NARS2: variants seen among roughly 807,000 people sequenced by gnomAD.
NARS2 encodes asparaginyl-tRNA synthetase 2, mitochondrial.
Under a neutral mutation model 62.9 loss-of-function variants are expected in NARS2, and 60 were observed. The observed-to-expected ratio is 0.95, with a 90% confidence interval of 0.77 to 1.18. NARS2 has a LOEUF of 1.18. Ranked by LOEUF, NARS2 falls within the 50% of genes most tolerant of loss-of-function variation. The pLI, the probability that NARS2 is intolerant of heterozygous loss-of-function variation, is 0.00. For missense variants in NARS2, 619 were observed against 576.4 expected (o/e 1.07, Z -0.76); for synonymous variants, 196 against 200.0 (o/e 0.98, Z 0.17).
chr11:78,565,933 C>T (rs922430417), intron 4 of NARS2, among the ~76,000 whole-genome samples, 199 bp downstream of exon 4: 3 of 152,154 alleles, frequency 2.0e-5, no homozygotes, highest in African/African-American at 7.2e-5. Context: ...CCACAACACC[C>T]AACAAGGTAA....
At chr11:78,524,998 G>C (rs1861246923) in intron 6 of NARS2, among the ~76,000 whole-genome samples, 1 of 152,064 alleles carries the variant, frequency 6.6e-6, no homozygotes, top group Non-Finnish European at 1.5e-5. Flanking sequence ...AAAAGTCCTG[G>C]AGGAACTTTA....
chr11:78,531,437 A>G (rs112983407), intron 5 of NARS2, among the ~76,000 whole-genome samples: 3,568 of 152,176 alleles, frequency 0.023, 139 homozygotes, highest in African/African-American at 0.082. Flanking sequence ...GTTACTAGGG[A>G]AAAAAGTTTG....
chr11:78,516,892 C>G (rs1860932326), intron 6 of NARS2, among the ~76,000 whole-genome samples: 1 of 151,816 alleles, frequency 6.6e-6, no homozygotes, highest in East Asian at 1.9e-4. Context: ...AGAAATAAAC[C>G]AACGATTCCA....
chr11:78,459,904 C>T (rs949735883), intron 11 of NARS2, among the ~76,000 whole-genome samples: 3 of 152,148 alleles, frequency 2.0e-5, no homozygotes, highest in South Asian at 2.1e-4. Flanking sequence ...TAACATGGTA[C>T]GACTGCAGCA....
At chr11:78,565,628 C>T (rs7940720) in intron 4 of NARS2, among the ~76,000 whole-genome samples, 115,899 of 152,074 alleles carry the variant, frequency 0.76, 44,576 homozygotes, top group African/African-American at 0.81. Flanking sequence ...GGCCACCTTG[C>T]AGTATTAGGT....
In NARS2 at chr11:78,443,707, C is replaced by A; in HGVS notation, c.1216G>T (p.Gly406Cys). ...VPGVGELFGG[G>C]LREERYHFLE... ...AAATGGTATCGTTCTTCTCTGAGGC[C>A]TCCTCCAAAGAGTTCCCCAACTCCA... Residue 406 changes from glycine to cysteine, a missense_variant, in exon 12 of 14, where the codon GGC becomes TGC. Physicochemically the swap from Gly to Cys is radical, Grantham distance 159. Coordinates refer to ENST00000281038, the MANE Select transcript of NARS2 (RefSeq NM_024678.6). The A allele has an allele frequency of 6.2e-7, 1 of 1,613,858 alleles. No homozygotes were observed. The highest frequency in any genetic ancestry group is 8.5e-7 in the Non-Finnish European group (1 of 1,179,860).
intron 10 of NARS2, 31 bp downstream of exon 10, chr11:78,469,216 C>T (rs200255394): frequency 7.5e-6 from 11 of 1,461,466 alleles, no homozygotes; most frequent in Non-Finnish European, 9.6e-6. Flanking sequence ...CATTTTCACA[C>T]ACACATATAT....
intron 7 of NARS2, among the ~76,000 whole-genome samples, chr11:78,480,664 G>A (rs1859313771): frequency 6.7e-6 from 1 of 148,512 alleles, no homozygotes; most frequent in Non-Finnish European, 1.5e-5. Flanking sequence ...TTAAGGCACT[G>A]ATCACATAAA....
At chr11:78,495,668 G>A (rs1429937574) in intron 6 of NARS2, among the ~76,000 whole-genome samples, 1 of 151,948 alleles carries the variant, frequency 6.6e-6, no homozygotes, top group Admixed American at 6.6e-5. Flanking sequence ...CCTCACAAAC[G>A]GTAACATTAC....
chr11:78,453,047 C>T (rs868154404), intron 11 of NARS2, among the ~76,000 whole-genome samples: 1 of 152,140 alleles, frequency 6.6e-6, no homozygotes, highest in Non-Finnish European at 1.5e-5. Flanking sequence ...TAAAGTTGAC[C>T]AAATTTGAGC....
At chr11:78,448,987 C>T (rs1011108120) in intron 11 of NARS2, among the ~76,000 whole-genome samples, 1 of 152,086 alleles carries the variant, frequency 6.6e-6, no homozygotes, top group Non-Finnish European at 1.5e-5. Context: ...TTATAAACTT[C>T]CTTTAATATT....
At chr11:78,450,108 C>T (rs144045678) in intron 11 of NARS2, among the ~76,000 whole-genome samples, 1 of 152,338 alleles carries the variant, frequency 6.6e-6, no homozygotes, top group African/African-American at 2.4e-5. Context: ...GACGGGGAAG[C>T]ATAATTCCCA....
At chr11:78,438,659 G>A (rs1444922405) in intron 13 of NARS2, among the ~76,000 whole-genome samples, 1 of 152,170 alleles carries the variant, frequency 6.6e-6, no homozygotes, top group Non-Finnish European at 1.5e-5. Context: ...ATATGTATTT[G>A]TTTGATTGTT....
At chr11:78,491,824 G>A (rs1046821002) in intron 7 of NARS2, among the ~76,000 whole-genome samples, 1 of 152,056 alleles carries the variant, frequency 6.6e-6, no homozygotes, top group Non-Finnish European at 1.5e-5. Context: ...ACTCAAGACA[G>A]GGTAATAAAA....
At chr11:78,549,530 T>C (rs1856014013) in intron 5 of NARS2, among the ~76,000 whole-genome samples, 1 of 152,158 alleles carries the variant, frequency 6.6e-6, no homozygotes, top group African/African-American at 2.4e-5. Context: ...GGCTAAACTG[T>C]AGATTTCCTA....
At chr11:78,451,565 C>A (rs544032182) in intron 11 of NARS2, among the ~76,000 whole-genome samples, 132 of 152,218 alleles carry the variant, frequency 8.7e-4, no homozygotes, top group African/African-American at 3.2e-3. Flanking sequence ...TATGGGCAGG[C>A]AGGTCTGTGG....
chr11:78,523,794 G>C (rs1165150733), intron 6 of NARS2, among the ~76,000 whole-genome samples: 1 of 152,158 alleles, frequency 6.6e-6, no homozygotes, highest in Non-Finnish European at 1.5e-5. Context: ...CTTAATTAGT[G>C]GTTGCCCAGG....
chr11:78,561,933 C>T (rs528887845), intron 4 of NARS2, among the ~76,000 whole-genome samples: 38 of 152,214 alleles, frequency 2.5e-4, no homozygotes, highest in African/African-American at 8.7e-4. Flanking sequence ...TGGTAGTGCA[C>T]ACCTGTAGTC....
At chr11:78,467,813 T>G (rs965899327) in intron 10 of NARS2, among the ~76,000 whole-genome samples, 4 of 152,170 alleles carry the variant, frequency 2.6e-5, no homozygotes, top group Admixed American at 2.0e-4. Context: ...ATGTATCAAA[T>G]CATCATGTCG....
Sources: allele counts gnomAD v4.1 joint callset (sites outside exome capture counted in the v4.1 genomes callset), GRCh38; gene constraint gnomAD v4.1.1; transcripts MANE v1.5; gene names NCBI Gene and HGNC (gene_info 2026-07-23, HGNC 2026-07-21).